The following ASB3 variants were observed in gnomAD, a reference collection of about 807,000 sequenced individuals.
ASB3 encodes the protein ankyrin repeat and SOCS box containing 3.
Under a neutral mutation model 54.5 loss-of-function variants are expected in ASB3, and 41 were observed. The observed-to-expected ratio is 0.75, with a 90% CI of 0.59 to 0.98. The LOEUF is 0.98. Ranked by LOEUF, ASB3 falls within the 50% of genes least tolerant of loss-of-function variation. The pLI is 0.00. For synonymous variants in ASB3, 266 were observed against 221.2 expected (o/e 1.20, Z -1.80); for missense variants, 733 against 620.0 (o/e 1.18, Z -1.94).
intron 5 of ASB3, among the ~76,000 whole-genome samples, chr2:53,728,359 T>C (rs770656480): frequency 2.6e-5 from 4 of 152,074 alleles, no homozygotes; most frequent in African/African-American, 4.8e-5. Flanking sequence ...ATAAACAAAA[T>C]AGCCATCTAA....
At chr2:53,725,661 G>A (rs1380799941) in intron 5 of ASB3, among the ~76,000 whole-genome samples, 5 of 151,894 alleles carry the variant, frequency 3.3e-5, no homozygotes, top group African/African-American at 9.7e-5. Flanking sequence ...AATACATTTC[G>A]GTGGAAAGAT....
chr2:53,707,132 A>G (rs147951442), intron 7 of ASB3, among the ~76,000 whole-genome samples: 6 of 152,326 alleles, frequency 3.9e-5, no homozygotes, highest in African/African-American at 1.4e-4. Flanking sequence ...ATGATGTGCT[A>G]TTCGGTAGGG....
At position 53,750,880 on chromosome 2, in the gene ASB3, A is replaced by G. The variant is rs1171378256; in HGVS notation, c.258T>C (p.Ala86=). 1 of 1,602,528 alleles carries G rather than the reference A, an allele frequency of 6.2e-7. No homozygotes were observed. Among genetic ancestry groups the G allele is most frequent in the Non-Finnish European group, 8.5e-7 (1 of 1,174,296 alleles). ...TFEGFCALHL[A]ASQGHWKIVQ... The stretch of plus-strand genomic sequence containing the variant: ...CGATTTTCCAATGTCCTTGACTTGC[A>G]GCGAGATGCAAAGCACAGAAACCTT... The change falls in exon 3 of 10, where the codon GCT becomes GCC. Residue 86 remains alanine, a synonymous_variant. Coordinates refer to ENST00000263634, the MANE Select transcript of ASB3 (RefSeq NM_016115.5).
intron 2 of ASB3, among the ~76,000 whole-genome samples, chr2:53,761,030 G>C (rs1265008083): frequency 6.6e-6 from 1 of 152,172 alleles, no homozygotes; most frequent in East Asian, 1.9e-4. Context: ...CAATACAGCA[G>C]GAAGCACTTA....
At chr2:53,736,550 T>C (rs1046372710) in intron 3 of ASB3, among the ~76,000 whole-genome samples, 5 of 151,708 alleles carry the variant, frequency 3.3e-5, no homozygotes, top group African/African-American at 4.8e-5. Context: ...TACAAAAATA[T>C]TAGCCAGGCA....
chr2:53,722,533 A>C (rs753993338), intron 5 of ASB3, among the ~76,000 whole-genome samples: 4 of 152,224 alleles, frequency 2.6e-5, no homozygotes, highest in Non-Finnish European at 4.4e-5. Context: ...TATGCAAATG[A>C]ATAATTGGGA....
At chr2:53,693,250 T>C (rs940737015) in intron 9 of ASB3, among the ~76,000 whole-genome samples, 1 of 152,198 alleles carries the variant, frequency 6.6e-6, no homozygotes, top group African/African-American at 2.4e-5. Context: ...TTTAAACTTG[T>C]TCCCTGTGCA....
chr2:53,715,281 C>G (rs1008740891), intron 6 of ASB3, among the ~76,000 whole-genome samples: 1 of 152,144 alleles, frequency 6.6e-6, no homozygotes, highest in Non-Finnish European at 1.5e-5. Context: ...TTCTACCCTT[C>G]TAAAATTAAA....
intron 9 of ASB3, among the ~76,000 whole-genome samples, chr2:53,689,753 A>C (rs913909386): frequency 1.3e-5 from 2 of 152,130 alleles, no homozygotes; most frequent in Non-Finnish European, 2.9e-5. Context: ...GAATCCTCAT[A>C]ATGTTCCTGG....
chr2:53,678,347 ATTT>A, intron 9 of ASB3, among the ~76,000 whole-genome samples: 1 of 152,262 alleles, frequency 6.6e-6, no homozygotes. Flanking sequence ...GGTGGTCATC[ATTT>A]TTATCACATA....
intron 1 of ASB3, among the ~76,000 whole-genome samples, chr2:53,777,804 A>T (rs1246705399): frequency 6.6e-6 from 1 of 152,184 alleles, no homozygotes; most frequent in Non-Finnish European, 1.5e-5. Flanking sequence ...CTTTTTATTA[A>T]ATTTTACCCT....
At chr2:53,707,388 TCC>T (rs1263077340) in intron 7 of ASB3, among the ~76,000 whole-genome samples, 1 of 152,134 alleles carries the variant, frequency 6.6e-6, no homozygotes, top group Non-Finnish European at 1.5e-5. Context: ...ACGCCTGTAA[TCC>T]CAGCACTTTT....
chr2:53,767,832 G>C (rs2104113049), intron 1 of ASB3: 1 of 1,555,554 alleles, frequency 6.4e-7, no homozygotes, highest in East Asian at 2.4e-5. Context: ...TCAGTCCCCG[G>C]CGGCGCGGCG....
chr2:53,778,140 T>C (rs1399322429), intron 1 of ASB3, among the ~76,000 whole-genome samples: 1 of 136,922 alleles, frequency 7.3e-6, no homozygotes, highest in Non-Finnish European at 1.5e-5. Flanking sequence ...CAGAGCAGGA[T>C]TCTTGTCTCA....
intron 1 of ASB3, among the ~76,000 whole-genome samples, chr2:53,770,497 T>TTAA: frequency 8.9e-6 from 1 of 111,826 alleles, no homozygotes; most frequent in African/African-American, 3.9e-5. Context: ...CGAAGTTTAT[T>TTAA]TAAAAAAAAA....
intron 5 of ASB3, among the ~76,000 whole-genome samples, chr2:53,723,644 G>C (rs1249746171): frequency 6.6e-6 from 1 of 152,138 alleles, no homozygotes; most frequent in Non-Finnish European, 1.5e-5. Context: ...CAAGCAAAAA[G>C]AATAAAGCTG....
chr2:53,676,774 G>A lies in ASB3; in HGVS notation c.1370-6084C>T, dbSNP rs546920811. ...ATCTTTTGTGCTGTTTTGTTTGTTC[G>A]TTTTGTTTTGTTTTGAGACGGAGTC... On this transcript the variant is annotated intron_variant, in intron 9 of 9. Transcript: ENST00000263634. Among the ~76,000 whole-genome samples, 8 of 151,978 alleles carry A rather than the reference G, an allele frequency of 5.3e-5. No individual in the cohort carries two copies. In the South Asian group the frequency reaches 8.3e-4, roughly 16 times the overall value.
chr2:53,674,836 A>G (rs7557898), intron 9 of ASB3, among the ~76,000 whole-genome samples: 80,865 of 151,870 alleles, frequency 0.53, 22,057 homozygotes, highest in East Asian at 0.63. Flanking sequence ...AACCGCTAGA[A>G]AAAACACAAA....
chr2:53,773,002 A>G (rs1674051400), intron 1 of ASB3, among the ~76,000 whole-genome samples: 1 of 152,164 alleles, frequency 6.6e-6, no homozygotes, highest in Non-Finnish European at 1.5e-5. Flanking sequence ...CAGATTCAGA[A>G]TTTTATATTG....
Sources: gnomAD v4.1 joint callset for allele counts (sites outside exome capture counted in the v4.1 genomes callset) on GRCh38, gnomAD v4.1.1 for gene constraint, MANE v1.5 for transcripts, NCBI Gene and HGNC (gene_info 2026-07-23, HGNC 2026-07-21) for gene names.